Variants in ALK observed in about 807,000 individuals in gnomAD.
ALK encodes ALK tyrosine kinase receptor.
Under a neutral mutation model 163.1 loss-of-function variants are expected in ALK, and 74 were observed. That is an observed-to-expected ratio of 0.45 (90% CI 0.38 to 0.55). The LOEUF is 0.55. ALK is among the 20% of genes least tolerant of loss of function. The pLI is 0.00. For missense variants in ALK, 2,063 were observed against 2,105.3 expected, an observed-to-expected ratio of 0.98 and a Z score of 0.39; for synonymous variants, 960 against 843.2, an observed-to-expected ratio of 1.14 and a Z score of -2.40.
chr2:29,429,608 C>T (rs779845629), intron 4 of ALK, among the ~76,000 whole-genome samples: 7 of 151,800 alleles, frequency 4.6e-5, no homozygotes, highest in African/African-American at 9.7e-5. Context: ...AAAAACATCC[C>T]AGACATGGAG....
chr2:29,399,309 T>C (rs1669387556), intron 4 of ALK, among the ~76,000 whole-genome samples: 1 of 152,210 alleles, frequency 6.6e-6, no homozygotes, highest in African/African-American at 2.4e-5. Context: ...ATCTGTCAAA[T>C]TCCGAGTCCA....
intron 1 of ALK, among the ~76,000 whole-genome samples, chr2:29,752,790 G>A (rs150415261): frequency 6.8e-4 from 103 of 152,334 alleles, no homozygotes; most frequent in African/African-American, 2.4e-3. Flanking sequence ...CTTCCTGGAA[G>A]AAGGAGCAAC....
chr2:29,219,351 T>A (rs780791817), intron 23 of ALK, among the ~76,000 whole-genome samples: 2 of 152,166 alleles, frequency 1.3e-5, no homozygotes, highest in Non-Finnish European at 2.9e-5. Flanking sequence ...GTGAAGGTAT[T>A]TTACATGGAT....
chr2:29,857,458 T>C (rs998690958), intron 1 of ALK, among the ~76,000 whole-genome samples: 1 of 152,108 alleles, frequency 6.6e-6, no homozygotes, highest in Admixed American at 6.5e-5. Context: ...CTGTGGCATA[T>C]AATAGTGTAG....
At chr2:29,498,396 G>A (rs747885311) in intron 4 of ALK, among the ~76,000 whole-genome samples, 5 of 151,910 alleles carry the variant, frequency 3.3e-5, no homozygotes, top group African/African-American at 7.3e-5. Flanking sequence ...TCTAAAGCCT[G>A]TAGGGTCTTG....
rs149902673 is a variant in ALK at position 29,647,669 on chromosome 2, A to T, written c.952+47181T>A. On this transcript the variant is annotated intron_variant, in intron 3 of 28. Transcript: ENST00000389048. Reference sequence around the variant, plus strand: ...TTCCCCTGATTAAGCCCGTCCATACACTTAGCTTGAATGCCCCTTTTCACA... The same window carrying T: ...TTCCCCTGATTAAGCCCGTCCATACTCTTAGCTTGAATGCCCCTTTTCACA... Among the ~76,000 whole-genome samples, 783 of 151,924 alleles carry T rather than the reference A, an allele frequency of 5.2e-3. 14 individuals are homozygous for T. The highest frequency in any genetic ancestry group is 0.017 in the African/African-American group (721 of 41,446).
At chr2:29,504,700 G>A (rs779485226) in intron 4 of ALK, among the ~76,000 whole-genome samples, 3 of 152,122 alleles carry the variant, frequency 2.0e-5, no homozygotes, top group Non-Finnish European at 4.4e-5. Context: ...ATGGAGAAAT[G>A]AGAGAGACCT....
intron 2 of ALK, among the ~76,000 whole-genome samples, chr2:29,696,139 G>A (rs1245556055): frequency 6.6e-6 from 1 of 152,150 alleles, no homozygotes; most frequent in Non-Finnish European, 1.5e-5. Context: ...CAACCCAAAT[G>A]CCCATCAATG....
At chr2:29,580,380 G>A (rs1387927332) in intron 3 of ALK, among the ~76,000 whole-genome samples, 5 of 152,152 alleles carry the variant, frequency 3.3e-5, no homozygotes, top group Admixed American at 6.5e-5. Context: ...GTCCTCTCCC[G>A]CTCCCCCTTT....
chr2:29,760,329 C>T (rs988169169), intron 1 of ALK, among the ~76,000 whole-genome samples: 1 of 152,202 alleles, frequency 6.6e-6, no homozygotes, highest in African/African-American at 2.4e-5. Flanking sequence ...TCCAGGCAAG[C>T]TATTTAACCC....
At chr2:29,451,977 C>T (rs8179810) in intron 4 of ALK, among the ~76,000 whole-genome samples, 151,864 of 152,352 alleles carry the variant, frequency 1, 75,692 homozygotes, top group Non-Finnish European at 1. Context: ...ACTGAGGAAC[C>T]GAACTTTAAA....
At chr2:29,216,378 C>G (rs1227116015) in intron 23 of ALK, among the ~76,000 whole-genome samples, 4 of 152,056 alleles carry the variant, frequency 2.6e-5, no homozygotes, top group African/African-American at 4.8e-5. Context: ...TTCTTCCTAC[C>G]AGTCTCTTTG....
intron 5 of ALK, among the ~76,000 whole-genome samples, chr2:29,383,306 C>T (rs112544515): frequency 0.026 from 4,025 of 152,086 alleles, 96 homozygotes; most frequent in Non-Finnish European, 0.041. Context: ...GAACTAGCCC[C>T]TAAAACACTC....
chr2:29,353,828 T>G (rs1415413254), intron 5 of ALK, among the ~76,000 whole-genome samples: 1 of 152,228 alleles, frequency 6.6e-6, no homozygotes, highest in Non-Finnish European at 1.5e-5. Flanking sequence ...TTTCACATGA[T>G]TCAACCTAAT....
At chr2:29,415,024 AC>A (rs1437460520) in intron 4 of ALK, among the ~76,000 whole-genome samples, 2 of 151,732 alleles carry the variant, frequency 1.3e-5, no homozygotes, top group Non-Finnish European at 2.9e-5. Context: ...ACATGTGTGC[AC>A]ACACATGCAC....
At chr2:29,651,875 G>C (rs1677046938) in intron 3 of ALK, among the ~76,000 whole-genome samples, 1 of 152,138 alleles carries the variant, frequency 6.6e-6, no homozygotes, top group African/African-American at 2.4e-5. Context: ...AAATACAATA[G>C]CCTCTTGGGA....
chr2:29,905,492 T>A (rs912122845), intron 1 of ALK, among the ~76,000 whole-genome samples: 5 of 151,296 alleles, frequency 3.3e-5, no homozygotes, highest in Non-Finnish European at 5.9e-5. Flanking sequence ...CAAATTATGG[T>A]GTCAAGATTA....
At chr2:29,196,670 G>T (rs2148141421) in intron 28 of ALK, 100 bp downstream of exon 28, 1 of 879,572 alleles carries the variant, frequency 1.1e-6, no homozygotes, top group East Asian at 2.4e-5. Context: ...CATAAATCTT[G>T]TACTCTGACT....
chr2:29,870,392 T>A (rs28677997), intron 1 of ALK, among the ~76,000 whole-genome samples: 1 of 152,000 alleles, frequency 6.6e-6, no homozygotes, highest in Non-Finnish European at 1.5e-5. Context: ...TACATACTTT[T>A]AAAAAACCAG....
Sources: allele counts gnomAD v4.1 joint callset (sites outside exome capture counted in the v4.1 genomes callset), GRCh38; gene constraint gnomAD v4.1.1; transcripts MANE v1.5; gene names NCBI Gene and HGNC (gene_info 2026-07-23, HGNC 2026-07-21).